Variants in IL6 observed in about 807,000 individuals in gnomAD.
The protein encoded by IL6 is interleukin-6.
A neutral mutation model predicts 18.0 loss-of-function variants in IL6; 5 were observed. The observed-to-expected ratio is 0.28, with a 90% CI of 0.15 to 0.58. IL6 has a LOEUF of 0.58. Ranked by LOEUF, IL6 falls within the 20% of genes least tolerant of loss-of-function variation. IL6 has a pLI of 0.90. For missense variants in IL6, 266 were observed against 251.0 expected (o/e 1.06, Z -0.40); for synonymous variants, 97 against 95.1 (o/e 1.02, Z -0.12).
At position 22,729,595 on chromosome 7, in the gene IL6, A is replaced by G. The variant is rs56383910; in HGVS notation, c.406A>G (p.Ser136Gly). The change falls in exon 4 of 5, where the codon AGT becomes GGT. Residue 136 changes from serine to glycine, a missense_variant. Ser to Gly is a moderately conservative substitution (Grantham distance 56). Coordinates refer to ENST00000258743, the MANE Select transcript of IL6 (RefSeq NM_000600.5). ...GTACCTCCAGAACAGATTTGAGAGT[A>G]GTGAGGAACAAGCCAGAGCTGTGCA... is the stretch of plus-strand genomic sequence containing the variant. ...LEYLQNRFES[S>G]EEQARAVQMS... 6.2e-7 allele frequency: 1 copy of G among 1,614,168 alleles called. No individual in the cohort carries two copies.
chr7:22,728,779 T>C lies in IL6; in HGVS notation c.297T>C (p.Asp99=). Reference sequence around the variant, plus strand: ...ACCTTCCAAAGATGGCTGAAAAAGATGGATGCTTCCAATCTGGATTCAATG... The same window carrying C: ...ACCTTCCAAAGATGGCTGAAAAAGACGGATGCTTCCAATCTGGATTCAATG... ...NLNLPKMAEK[D]GCFQSGFNEE... is the part of the protein sequence containing the mutation. Residue 99 remains aspartate, a synonymous_variant, in exon 3 of 5, where the codon GAT becomes GAC. Coordinates refer to ENST00000258743, the MANE Select transcript of IL6 (RefSeq NM_000600.5). 1 of 1,611,718 alleles carries C rather than the reference T, an allele frequency of 6.2e-7. No individual in the cohort carries two copies. The highest frequency in any genetic ancestry group is 1.1e-5 in the South Asian group (1 of 91,034).
rs1049801366 is a variant in IL6, at chr7:22,731,911, T to G, written c.*338T>G. 2.0e-5 allele frequency: 3 copies of G among 152,566 alleles called. No homozygotes were observed. Among genetic ancestry groups the G allele is most frequent in the African/African-American group, 7.3e-5 (3 of 41,256 alleles). The allele number at this position is 152,566 out of a possible 1,614,324, so 9.5% of individuals were successfully genotyped here. A position where few individuals can be genotyped will look rare whatever the true frequency, so the allele number is the denominator to read the frequency against. ...GCTTACCTCAAATAAATGGCTAACT[T>G]ATACATATTTTTAAAGAAATATTTA... On this transcript the variant is annotated 3_prime_UTR_variant, in exon 5 of 5. Transcript: ENST00000258743.
rs116290445 is a variant in IL6 at position 22,731,000 on chromosome 7, C to A, written c.472-406C>A. Among the ~76,000 whole-genome samples, 135 of 152,158 alleles carry A rather than the reference C, an allele frequency of 8.9e-4. 1 individual carries two copies. The highest frequency in any genetic ancestry group is 3.1e-3 in the African/African-American group (129 of 41,530). On this transcript the variant is annotated intron_variant, in intron 4 of 4. Transcript: ENST00000258743. Reference sequence around the variant, plus strand: ...GATATAATCCCAGCGCTATGGGAGGCTGAGGTGGGTGGATCATTTGAGGCC... The same window carrying A: ...GATATAATCCCAGCGCTATGGGAGGATGAGGTGGGTGGATCATTTGAGGCC...
At position 22,731,793 on chromosome 7, in the gene IL6, T is replaced by A; in HGVS notation, c.*220T>A. ...TTTTTAAGAAGTACCACTTGAAACA[T>A]TTTATGTATTAGTTTTGAAATAATA... On this transcript the variant is annotated 3_prime_UTR_variant, in exon 5 of 5. Transcript: ENST00000258743. The A allele has an allele frequency of 3.9e-6, 1 of 258,404 alleles. No homozygotes were observed. 16.0% of individuals were successfully genotyped at this position (258,404 alleles called of 1,614,324 possible). A position where few individuals can be genotyped will look rare whatever the true frequency, so the allele number is the denominator to read the frequency against.
chr7:22,729,409 T>G, intron 3 of IL6, 105 bp from the exon 4 acceptor site: 1 of 1,085,924 alleles, frequency 9.2e-7, no homozygotes, highest in Non-Finnish European at 1.4e-6. Flanking sequence ...CTTGAAGTTC[T>G]CTAGAGGAGC....
In IL6 at chr7:22,728,739, C is replaced by T; in HGVS notation, c.257C>T (p.Ala86Val). 1 of 1,613,396 alleles carries T rather than the reference C, an allele frequency of 6.2e-7. No individual in the cohort carries two copies. The highest frequency in any genetic ancestry group is 8.5e-7 in the Non-Finnish European group (1 of 1,179,338). ...NMCESSKEAL[A>V]ENNLNLPKMA... ...TGTGAAAGCAGCAAAGAGGCACTGG[C>T]AGAAAACAACCTGAACCTTCCAAAG... The change falls in exon 3 of 5, where the codon GCA (alanine) becomes GTA (valine). Residue 86 changes from alanine (A) to valine (V), a missense_variant. Coordinates refer to ENST00000258743, the MANE Select transcript of IL6 (RefSeq NM_000600.5).
intron 2 of IL6, 35 bp downstream of exon 2, chr7:22,727,669 G>A (rs1488679902): frequency 6.6e-7 from 1 of 1,522,792 alleles, no homozygotes; most frequent in African/African-American, 1.4e-5. Flanking sequence ...GAAGGGCCCG[G>A]TGCGCATGCG....
chr7:22,729,895 G>A, intron 4 of IL6: 1 of 1,418,498 alleles, frequency 7.0e-7, no homozygotes, highest in Non-Finnish European at 9.2e-7. Context: ...TATTAACTGA[G>A]GTGGATTTTA....
intron 2 of IL6, 92 bp from the exon 3 acceptor site, chr7:22,728,601 T>C (rs554937656): frequency 5.3e-6 from 4 of 761,022 alleles, no homozygotes; most frequent in Non-Finnish European, 9.2e-6. Context: ...TCTTAGAGAC[T>C]TTCCTGGCTG....
In IL6 at chr7:22,731,523, A is replaced by C. The variant is rs1470834719; in HGVS notation, c.589A>C (p.Ser197Arg). ...CATGACAACTCATCTCATTCTGCGC[A>C]GCTTTAAGGAGTTCCTGCAGTCCAG... The part of the protein sequence containing the change: ...QDMTTHLILR[S>R]FKEFLQSSLR... Residue 197 changes from serine (S) to arginine (R), a missense_variant, in exon 5 of 5, where the codon AGC becomes CGC. By Grantham distance (110) the Ser-to-Arg change is moderately radical (BLOSUM62 -1). Coordinates refer to ENST00000258743, the MANE Select transcript of IL6 (RefSeq NM_000600.5). 6.2e-7 allele frequency: 1 copy of C among 1,609,044 alleles called. No individual in the cohort carries two copies. Among genetic ancestry groups the C allele is most frequent in the Non-Finnish European group, 8.5e-7 (1 of 1,176,094 alleles).
chr7:22,731,128 C>T (rs1007904098), intron 4 of IL6, among the ~76,000 whole-genome samples: 16 of 151,958 alleles, frequency 1.1e-4, no homozygotes, highest in Admixed American at 2.6e-4. Flanking sequence ...AACCCAGCTA[C>T]TCAGGAGGCT....
At chr7:22,730,563 T>C (rs2069859) in intron 4 of IL6, among the ~76,000 whole-genome samples, 3 of 152,250 alleles carry the variant, frequency 2.0e-5, no homozygotes, top group Non-Finnish European at 4.4e-5. Context: ...CCTAAAGGGA[T>C]GGTGAGAGGG....
chr7:22,731,197 A>G (rs1338184797), intron 4 of IL6, among the ~76,000 whole-genome samples: 2 of 151,976 alleles, frequency 1.3e-5, no homozygotes, highest in African/African-American at 4.8e-5. Context: ...ACTGCACTCC[A>G]GCCTGGGTGA....
chr7:22,730,849 C>T (rs1298766274), intron 4 of IL6, among the ~76,000 whole-genome samples: 1 of 152,026 alleles, frequency 6.6e-6, no homozygotes, highest in South Asian at 2.1e-4. Context: ...CCCATCTCTA[C>T]AAAAAACCAA....
intron 4 of IL6, chr7:22,730,038 T>A: frequency 2.0e-6 from 2 of 985,398 alleles, no homozygotes; most frequent in African/African-American, 3.5e-5. Context: ...AAGATTTTAG[T>A]CATTGCCAAG....
Position 22,730,258 on chromosome 7 carries a change from C to T in IL6, c.471+598C>T, listed in dbSNP as rs559151534. 5 of 985,394 alleles carry T rather than the reference C, an allele frequency of 5.1e-6. No individual in the cohort carries two copies. In the East Asian group the frequency reaches 3.4e-4, roughly 67 times the overall value. 61.0% of individuals were successfully genotyped at this position (985,394 alleles called of 1,614,324 possible). On this transcript the variant is annotated intron_variant, in intron 4 of 4. Transcript: ENST00000258743. ...ATAAGAAGGGGCCTAGAATGAAACC[C>T]TTGGTGCTGATCCTGCCTCTGCCAT...
rs1382035828 is a variant in IL6 at position 22,728,922 on chromosome 7, G to T, written c.324+116G>T. ...GCAACAAAAAGTGGGTAAATGTAAA[G>T]AATGTTATGTAAATTTCATGAGGAG... On this transcript the variant is annotated intron_variant, in intron 3 of 4. Coordinates refer to ENST00000258743, the MANE Select transcript of IL6 (RefSeq NM_000600.5). 3 of 673,524 alleles carry T rather than the reference G, an allele frequency of 4.5e-6. No individual in the cohort carries two copies. The East Asian group carries it at 8.1e-5, about 18-fold the overall frequency. 41.7% of individuals were successfully genotyped at this position (673,524 alleles called of 1,614,324 possible). A position where few individuals can be genotyped will look rare whatever the true frequency, so the allele number is the denominator to read the frequency against.
At position 22,729,661 on chromosome 7, in the gene IL6, G is replaced by A; in HGVS notation, c.471+1G>A. The A allele has an allele frequency of 6.2e-7, 1 of 1,614,204 alleles. No homozygotes were observed. The highest frequency in any genetic ancestry group is 8.5e-7 in the Non-Finnish European group (1 of 1,180,036). ...CCTGATCCAGTTCCTGCAGAAAAAG[G>A]TGGGTGTGTCCTCATTCCCTCAACT... On this transcript the variant is annotated splice_donor_variant, in intron 4 of 4. Coordinates refer to ENST00000258743, the MANE Select transcript of IL6 (RefSeq NM_000600.5). LOFTEE classifies it high-confidence loss of function.
chr7:22,730,327 A>T (rs1003584519), intron 4 of IL6: 24 of 976,958 alleles, frequency 2.5e-5, no homozygotes, highest in Non-Finnish European at 2.8e-5. Flanking sequence ...ATGCATGGGA[A>T]TTCCCTGGGC....
Sources: allele counts gnomAD v4.1 joint callset (sites outside exome capture counted in the v4.1 genomes callset), GRCh38; gene constraint gnomAD v4.1.1; transcripts MANE v1.5; gene names NCBI Gene and HGNC (gene_info 2026-07-23, HGNC 2026-07-21).